TMEM181: variants seen among roughly 807,000 people sequenced by gnomAD.
TMEM181 encodes the protein transmembrane protein 181, also known as G protein-coupled receptor 178.
Under a neutral mutation model 71.9 loss-of-function variants are expected in TMEM181, and 39 were observed. The observed-to-expected ratio is 0.54, with a 90% CI of 0.42 to 0.71. TMEM181 has a LOEUF of 0.71. Among genes scored for constraint, TMEM181 ranks in the 30% least tolerant of loss-of-function variants. The pLI, the probability that TMEM181 is intolerant of heterozygous loss-of-function variation, is 0.00. For synonymous variants in TMEM181, 245 were observed against 228.8 expected, an observed-to-expected ratio of 1.07 and a Z score of -0.64; for missense variants, 595 against 583.0, an observed-to-expected ratio of 1.02 and a Z score of -0.21.
intron 1 of TMEM181, among the ~76,000 whole-genome samples, chr6:158,539,011 A>G (rs1418136521): frequency 7.2e-5 from 11 of 152,210 alleles, no homozygotes; most frequent in African/African-American, 2.7e-4. Context: ...TTTCACTGGG[A>G]CTGCAGTGTG....
chr6:158,543,032 C>T (rs1044678599), intron 1 of TMEM181, among the ~76,000 whole-genome samples: 3 of 151,880 alleles, frequency 2.0e-5, no homozygotes, highest in Admixed American at 6.6e-5. Context: ...CGTGCCACCA[C>T]GCCTGGCTAA....
At chr6:158,581,276 T>G (rs545567162) in intron 3 of TMEM181, among the ~76,000 whole-genome samples, 1 of 152,358 alleles carries the variant, frequency 6.6e-6, no homozygotes, top group South Asian at 2.1e-4. Flanking sequence ...TCATCCTGAT[T>G]CCTTGCCTCT....
intron 7 of TMEM181, 50 bp from the exon 8 acceptor site, chr6:158,607,170 CGGCAAGGTGTGAGCAAAGGCTGCA>C (rs1259826551): frequency 1.5e-4 from 180 of 1,238,334 alleles, no homozygotes; most frequent in African/African-American, 1.1e-3. Flanking sequence ...CCTGGTATGC[CGGCAAGGTGTGAGCAAAGGCTGCA>C]GGCAAGGTGT....
At position 158,587,783 on chromosome 6, in the gene TMEM181, G is replaced by A. The variant is rs566161639; in HGVS notation, c.382-1889G>A. On this transcript the variant is annotated intron_variant, in intron 5 of 16. Coordinates refer to ENST00000684151, the MANE Select transcript of TMEM181 (RefSeq NM_001376852.1). Reference sequence around the variant, plus strand: ...CAGCAGAACCGTGGTTTGAACTTGGGATGCCGGAACCGCTGGTGTAGTTTT... The same window carrying A: ...CAGCAGAACCGTGGTTTGAACTTGGAATGCCGGAACCGCTGGTGTAGTTTT... Among the ~76,000 whole-genome samples, 16 of 152,258 alleles carry A rather than the reference G, an allele frequency of 1.1e-4. No individual in the cohort carries two copies. The South Asian group carries it at 2.5e-3, about 24-fold the overall frequency.
At chr6:158,588,384 C>A (rs1173306606) in intron 5 of TMEM181, among the ~76,000 whole-genome samples, 1 of 152,190 alleles carries the variant, frequency 6.6e-6, no homozygotes, top group Non-Finnish European at 1.5e-5. Context: ...AGGTCAGCAC[C>A]CCACTGTGTT....
intron 1 of TMEM181, among the ~76,000 whole-genome samples, chr6:158,564,355 C>A (rs1171727682): frequency 6.6e-6 from 1 of 152,150 alleles, no homozygotes; most frequent in Non-Finnish European, 1.5e-5. Flanking sequence ...GGGCCTGCAT[C>A]CTCTCACCCC....
In TMEM181 at chr6:158,633,619, C is replaced by T. The variant is rs536704752; in HGVS notation, c.*1731C>T. ...TGCTAGGTAGGACCTTAGAGATGTT[C>T]ATGAGAAACTATTTGTTATGACTTT... is the stretch of plus-strand genomic sequence containing the variant. On this transcript the variant is annotated 3_prime_UTR_variant, in exon 17 of 17. Coordinates refer to ENST00000684151, the MANE Select transcript of TMEM181 (RefSeq NM_001376852.1). 2 of 152,152 alleles carry T rather than the reference C, an allele frequency of 1.3e-5. No individual in the cohort carries two copies. Among genetic ancestry groups the T allele is most frequent in the Admixed American group, 6.5e-5 (1 of 15,272 alleles). The allele number at this position is 152,152 out of a possible 1,614,324, so 9.4% of individuals were successfully genotyped here.
intron 1 of TMEM181, 38 bp from the exon 2 acceptor site, chr6:158,573,382 T>C: frequency 6.5e-7 from 1 of 1,526,788 alleles, no homozygotes. Context: ...CTCCGGGCCT[T>C]CCCCTGACCG....
At chr6:158,551,788 A>G (rs2128281425) in intron 1 of TMEM181, among the ~76,000 whole-genome samples, 1 of 152,362 alleles carries the variant, frequency 6.6e-6, no homozygotes, top group Admixed American at 6.5e-5. Context: ...TAACATATCC[A>G]TAAATGTAAT....
intron 6 of TMEM181, among the ~76,000 whole-genome samples, chr6:158,598,266 A>G (rs985010741): frequency 1.3e-5 from 2 of 152,106 alleles, no homozygotes; most frequent in African/African-American, 4.8e-5. Context: ...CCTCTTGGTT[A>G]TTCTGCGCAT....
intron 10 of TMEM181, among the ~76,000 whole-genome samples, chr6:158,619,120 T>A (rs1785798881): frequency 6.6e-6 from 1 of 152,238 alleles, no homozygotes; most frequent in Admixed American, 6.5e-5. Context: ...TCTGTCACTT[T>A]CAGATACAAC....
chr6:158,560,157 G>A lies in TMEM181; in HGVS notation c.-68G>A, dbSNP rs946413631. On this transcript the variant is annotated 5_prime_UTR_variant, in exon 1 of 17. Coordinates refer to ENST00000684151, the MANE Select transcript of TMEM181 (RefSeq NM_001376852.1). ...GGCTCCGGCTGCGGCTGCCGCTGCC[G>A]AGGCTGCTGCGCGGCGCCTGGCGGG... 3 of 984,792 alleles carry A rather than the reference G, an allele frequency of 3.0e-6. No homozygotes were observed. Among genetic ancestry groups the A allele is most frequent in the African/African-American group, 1.7e-5 (1 of 57,170 alleles). 61.0% of individuals were successfully genotyped at this position (984,792 alleles called of 1,614,324 possible). A position where few individuals can be genotyped will look rare whatever the true frequency, so the allele number is the denominator to read the frequency against.
At chr6:158,605,572 C>T (rs1220422604) in intron 7 of TMEM181, among the ~76,000 whole-genome samples, 3 of 152,100 alleles carry the variant, frequency 2.0e-5, no homozygotes, top group Admixed American at 6.5e-5. Flanking sequence ...AGTGCACGTC[C>T]GTGACTTTTA....
At position 158,634,766 on chromosome 6, in the gene TMEM181, A is replaced by C. The variant is rs1786853236; in HGVS notation, c.*2878A>C. On this transcript the variant is annotated 3_prime_UTR_variant, in exon 17 of 17. Transcript: ENST00000684151. ...TACATTTTGTAAACCCAACCCACTA[A>C]ATGAGCAGGTTACAAGACAAATGTC... is the stretch of plus-strand genomic sequence containing the variant. 3 of 152,162 alleles carry C rather than the reference A, an allele frequency of 2.0e-5. No individual in the cohort carries two copies. In the South Asian group the frequency reaches 6.2e-4, roughly 32 times the overall value. The allele number at this position is 152,162 out of a possible 1,614,324, so 9.4% of individuals were successfully genotyped here.
intron 3 of TMEM181, among the ~76,000 whole-genome samples, chr6:158,582,961 G>T (rs896399379): frequency 6.6e-6 from 1 of 152,186 alleles, no homozygotes; most frequent in Admixed American, 6.5e-5. Flanking sequence ...TTGGCCGGGC[G>T]CAGTGGCTCA....
At chr6:158,585,948 C>T (rs1346734490) in intron 5 of TMEM181, among the ~76,000 whole-genome samples, 1 of 152,162 alleles carries the variant, frequency 6.6e-6, no homozygotes, top group African/African-American at 2.4e-5. Flanking sequence ...CCTTAACTTC[C>T]CAAGTAACTG....
intron 1 of TMEM181, among the ~76,000 whole-genome samples, chr6:158,571,303 T>C (rs1051649770): frequency 1.3e-5 from 2 of 149,688 alleles, no homozygotes; most frequent in South Asian, 4.3e-4. Context: ...TTCACCGTGT[T>C]AGCAGGATGG....
chr6:158,560,045 CG>C (rs571421026), upstream of TMEM181: 2 of 985,196 alleles, frequency 2.0e-6, no homozygotes, highest in Admixed American at 6.1e-5. Context: ...CCTCTTCCGC[CG>C]TGAGAGTCGC....
At chr6:158,611,236 G>A (rs924036471) in intron 10 of TMEM181, 1 of 499,390 alleles carries the variant, frequency 2.0e-6, no homozygotes, top group Admixed American at 2.2e-5. Flanking sequence ...CAGCAGGGGT[G>A]ACTGTGACAC....
Sources: gnomAD v4.1 joint callset for allele counts (sites outside exome capture counted in the v4.1 genomes callset) on GRCh38, gnomAD v4.1.1 for gene constraint, MANE v1.5 for transcripts, NCBI Gene and HGNC (gene_info 2026-07-23, HGNC 2026-07-21) for gene names.